VRK2: variants seen among roughly 807,000 people sequenced by gnomAD.
The protein encoded by VRK2 is serine/threonine-protein kinase VRK2.
In VRK2, 60 loss-of-function variants were observed where a neutral mutation model predicts 57.6. That is an observed-to-expected ratio of 1.04 (90% CI 0.85 to 1.29). VRK2 has a LOEUF of 1.29. VRK2 is among the 50% of genes most tolerant of loss of function. The probability of loss-of-function intolerance (pLI) is 0.00; values close to 1 mark genes in which losing one functional copy is unlikely to be tolerated. For synonymous variants in VRK2, 231 were observed against 199.2 expected (o/e 1.16, Z -1.35); for missense variants, 705 against 588.1 (o/e 1.20, Z -2.06).
At chr2:57,925,523 TTCTGTGGTA>T (rs1457498931) in intron 1 of VRK2, among the ~76,000 whole-genome samples, 20 of 152,176 alleles carry the variant, frequency 1.3e-4, no homozygotes, top group Admixed American at 1.2e-3. Flanking sequence ...TCCTGCAAAT[TTCTGTGGTA>T]TTTGTTGAAA....
intron 1 of VRK2, among the ~76,000 whole-genome samples, chr2:58,009,217 C>T (rs1398401347): frequency 6.6e-6 from 1 of 152,026 alleles, no homozygotes; most frequent in Non-Finnish European, 1.5e-5. Context: ...ACTGAAAAAA[C>T]AAATTCCATG....
chr2:58,000,730 C>T (rs1673064487), intron 1 of VRK2, among the ~76,000 whole-genome samples: 1 of 152,168 alleles, frequency 6.6e-6, no homozygotes. Context: ...CTCATTACTG[C>T]TCATTAGTTT....
intron 1 of VRK2, among the ~76,000 whole-genome samples, chr2:57,909,791 A>G (rs1669930841): frequency 6.6e-6 from 1 of 152,164 alleles, no homozygotes; most frequent in South Asian, 2.1e-4. Flanking sequence ...TCTGTCTTAG[A>G]GATCTGTCAA....
intron 8 of VRK2, among the ~76,000 whole-genome samples, chr2:58,130,765 C>T (rs1679078005): frequency 6.6e-6 from 1 of 152,134 alleles, no homozygotes; most frequent in Admixed American, 6.5e-5. Flanking sequence ...TATCCCTACA[C>T]AGATGAACAT....
intron 3 of VRK2, among the ~76,000 whole-genome samples, chr2:58,036,457 G>GTAA (rs1674277026): frequency 1.3e-5 from 2 of 152,016 alleles, no homozygotes; most frequent in Middle Eastern, 3.4e-3. Context: ...TTTCTTTGTT[G>GTAA]TAATAGGTAA....
intron 2 of VRK2, among the ~76,000 whole-genome samples, chr2:58,031,140 T>C (rs1406288762): frequency 1.3e-5 from 2 of 152,042 alleles, no homozygotes; most frequent in African/African-American, 4.8e-5. Flanking sequence ...GCTGCTAAGT[T>C]TGCAGTGGTA....
At chr2:58,118,201 A>T (rs1227170310) in intron 7 of VRK2, among the ~76,000 whole-genome samples, 26 of 152,114 alleles carry the variant, frequency 1.7e-4, no homozygotes, top group African/African-American at 6.0e-4. Context: ...ACAAGGAGAG[A>T]AGGGGTTGGG....
At chr2:57,918,996 A>C (rs770632034) in intron 1 of VRK2, among the ~76,000 whole-genome samples, 49 of 152,150 alleles carry the variant, frequency 3.2e-4, no homozygotes, top group Non-Finnish European at 5.9e-4. Flanking sequence ...GGCTGTAAGA[A>C]TTAATATCTT....
chr2:58,020,019 AG>A (rs1427817709), intron 1 of VRK2, among the ~76,000 whole-genome samples: 2 of 152,232 alleles, frequency 1.3e-5, no homozygotes, highest in Non-Finnish European at 2.9e-5. Flanking sequence ...AACATGTAGA[AG>A]GTCTACATGG....
chr2:58,038,442 C>T (rs1214733858), intron 3 of VRK2, among the ~76,000 whole-genome samples: 2 of 152,100 alleles, frequency 1.3e-5, no homozygotes, highest in East Asian at 3.9e-4. Context: ...GAAGAACTTT[C>T]CGGCCTCCTC....
chr2:57,962,007 G>T (rs1272895883), intron 1 of VRK2, among the ~76,000 whole-genome samples: 3 of 152,140 alleles, frequency 2.0e-5, no homozygotes, highest in Admixed American at 6.5e-5. Flanking sequence ...AGCCCAAGAG[G>T]TTCAGGCTAT....
intron 1 of VRK2, among the ~76,000 whole-genome samples, chr2:57,938,272 C>A (rs571093823): frequency 1.3e-5 from 2 of 152,020 alleles, no homozygotes; most frequent in African/African-American, 2.4e-5. Context: ...AAATGTTAAT[C>A]GATAATATAT....
chr2:57,919,967 T>C, intron 1 of VRK2, among the ~76,000 whole-genome samples: 1 of 152,092 alleles, frequency 6.6e-6, no homozygotes, highest in Non-Finnish European at 1.5e-5. Flanking sequence ...TTATTCAAAT[T>C]AGATAGTAAT....
chr2:58,151,096 T>C (rs1302029518), intron 12 of VRK2, among the ~76,000 whole-genome samples: 1 of 151,770 alleles, frequency 6.6e-6, no homozygotes, highest in Non-Finnish European at 1.5e-5. Flanking sequence ...TTTGGGGTTG[T>C]TTAATAGTGT....
At chr2:58,054,951 T>G (rs972777330) in intron 2 of VRK2, among the ~76,000 whole-genome samples, 1 of 152,172 alleles carries the variant, frequency 6.6e-6, no homozygotes, top group Non-Finnish European at 1.5e-5. Flanking sequence ...AAGCATAGCC[T>G]TTTGTTAGCC....
intron 1 of VRK2, among the ~76,000 whole-genome samples, chr2:57,968,216 G>A (rs191748887): frequency 2.8e-4 from 42 of 151,956 alleles, no homozygotes; most frequent in Non-Finnish European, 4.4e-4. Flanking sequence ...TTAGTATGCT[G>A]AAGAAAAAGA....
At chr2:58,084,853 G>A (rs750525683) in intron 3 of VRK2, 28 bp from the exon 4 acceptor site, 3 of 1,399,624 alleles carry the variant, frequency 2.1e-6, no homozygotes, top group African/African-American at 1.5e-5. Flanking sequence ...TTTTTTTCTA[G>A]TAAAATTAAT....
chr2:57,924,482 T>C (rs1328523375), intron 1 of VRK2, among the ~76,000 whole-genome samples: 1 of 152,028 alleles, frequency 6.6e-6, no homozygotes, highest in African/African-American at 2.4e-5. Context: ...GTAGCTATTA[T>C]AAATGAGATT....
chr2:58,046,856 A>T lies in VRK2; in HGVS notation c.-18A>T. ...GGTGCGCGCGGCCCGGCGACGGGGGATCCTGAGGCCCGGTCAGTCTCTTGC... is the reference window on the plus strand; with the variant it reads ...GGTGCGCGCGGCCCGGCGACGGGGGTTCCTGAGGCCCGGTCAGTCTCTTGC... On this transcript the variant is annotated 5_prime_UTR_variant, in exon 1 of 13. Transcript: ENST00000340157. 1.0e-6 allele frequency: 1 copy of T among 982,022 alleles called. No homozygotes were observed. The highest frequency in any genetic ancestry group is 1.2e-6 in the Non-Finnish European group (1 of 827,614). 60.8% of individuals were successfully genotyped at this position (982,022 alleles called of 1,614,324 possible). A position where few individuals can be genotyped will look rare whatever the true frequency, so the allele number is the denominator to read the frequency against.
Sources: gnomAD v4.1 joint callset for allele counts (sites outside exome capture counted in the v4.1 genomes callset) on GRCh38, gnomAD v4.1.1 for gene constraint, MANE v1.5 for transcripts, NCBI Gene and HGNC (gene_info 2026-07-23, HGNC 2026-07-21) for gene names.